MCM5: variants seen among roughly 807,000 people sequenced by gnomAD.
MCM5 encodes minichromosome maintenance complex component 5.
A neutral mutation model predicts 79.9 loss-of-function variants in MCM5; 46 were observed. That is an observed-to-expected ratio of 0.58 (90% confidence interval 0.45 to 0.74). MCM5 has a LOEUF of 0.74. Among genes scored for constraint, MCM5 ranks in the 30% least tolerant of loss-of-function variants. The pLI, the probability that MCM5 is intolerant of heterozygous loss-of-function variation, is 0.00. For missense variants in MCM5, 883 were observed against 1,017.0 expected (o/e 0.87, Z 1.79); for synonymous variants, 404 against 390.5 (o/e 1.03, Z -0.41).
intron 9 of MCM5, among the ~76,000 whole-genome samples, chr22:35,414,489 T>G (rs915079226): frequency 1.3e-5 from 2 of 151,990 alleles, no homozygotes; most frequent in East Asian, 3.9e-4. Context: ...AGGCGTGATA[T>G]GCACCTGTGG....
the MCM5 span, among the ~76,000 whole-genome samples, chr22:35,448,578 T>C: frequency 6.6e-6 from 1 of 152,208 alleles, no homozygotes; most frequent in Non-Finnish European, 1.5e-5. Context: ...CAATGGGGAA[T>C]GAGACAGACA....
At chr22:35,451,270 G>C in the MCM5 span, among the ~76,000 whole-genome samples, 1 of 85,912 alleles carries the variant, frequency 1.2e-5, no homozygotes, top group Admixed American at 1.1e-4. Flanking sequence ...CAGGGTTTTC[G>C]ATGAAGAATG....
At chr22:35,422,428 G>A (rs1377953207) in intron 15 of MCM5, 1 of 152,562 alleles carries the variant, frequency 6.6e-6, no homozygotes, top group Non-Finnish European at 1.5e-5. Context: ...TTCCCCAGGA[G>A]GGAGCAGGTT....
downstream of MCM5, among the ~76,000 whole-genome samples, chr22:35,430,331 G>A (rs1932803932): frequency 6.6e-6 from 1 of 152,216 alleles, no homozygotes; most frequent in Non-Finnish European, 1.5e-5. Context: ...TATAGTGAGA[G>A]TATAGGAAGA....
chr22:35,436,894 G>GCCT, the MCM5 span, among the ~76,000 whole-genome samples: 73,134 of 151,970 alleles, frequency 0.48, 20,131 homozygotes, highest in Non-Finnish European at 0.63. Context: ...TTGCCAGGGG[G>GCCT]AGAGTCAGTT....
chr22:35,421,195 G>A lies in MCM5; in HGVS notation c.1833-123G>A, dbSNP rs370853369. On this transcript the variant is annotated intron_variant, in intron 14 of 16. Coordinates refer to ENST00000216122, the MANE Select transcript of MCM5 (RefSeq NM_006739.4). ...GATCAAAAGGGAGATGGATTATGGG[G>A]ACACCTAGCAGTCTCCACCACAGTC... 358 of 882,620 alleles carry A rather than the reference G, an allele frequency of 4.1e-4. 2 individuals are homozygous for A. In the African/African-American group the frequency reaches 5.4e-3, roughly 13 times the overall value. The allele number at this position is 882,620 out of a possible 1,614,324, so 54.7% of individuals were successfully genotyped here. A position where few individuals can be genotyped will look rare whatever the true frequency, so the allele number is the denominator to read the frequency against.
chr22:35,408,970 T>G (rs1601755162), intron 6 of MCM5, among the ~76,000 whole-genome samples: 2 of 12,322 alleles, frequency 1.6e-4, no homozygotes, highest in African/African-American at 5.0e-3. Flanking sequence ...CCAGGCTTTC[T>G]TTTTTTTTTT....
At chr22:35,448,969 A>G in the MCM5 span, among the ~76,000 whole-genome samples, 3 of 152,120 alleles carry the variant, frequency 2.0e-5, no homozygotes, top group South Asian at 4.1e-4. Flanking sequence ...CCCACATTCC[A>G]TTGGCCAAAG....
chr22:35,442,084 G>A, the MCM5 span, among the ~76,000 whole-genome samples: 13,323 of 151,784 alleles, frequency 0.088, 2,002 homozygotes, highest in African/African-American at 0.31. Context: ...GGAAACTCCC[G>A]TGGCTCCCCA....
downstream of MCM5, among the ~76,000 whole-genome samples, chr22:35,429,375 A>G (rs925529739): frequency 6.6e-6 from 1 of 152,158 alleles, no homozygotes; most frequent in Admixed American, 6.5e-5. Context: ...AAATGACTCA[A>G]TGTCTCAGAG....
chr22:35,442,252 C>G, the MCM5 span, among the ~76,000 whole-genome samples: 3 of 151,938 alleles, frequency 2.0e-5, no homozygotes, highest in African/African-American at 7.3e-5. Context: ...CACTCACTTG[C>G]TGCCTGCCTG....
rs200196982 is a variant in MCM5 at position 35,424,159 on chromosome 22, C to T, written c.2109C>T (p.Tyr703=). Residue 703 remains tyrosine, a synonymous_variant, in exon 17 of 17, where the codon TAC becomes TAT. Coordinates refer to ENST00000216122, the MANE Select transcript of MCM5 (RefSeq NM_006739.4). ...SIIKDFTKQK[Y]PEHAIHKVLQ... ...CCAGCCATGTGCTCCCACAGAAATA[C>T]CCGGAGCACGCCATCCACAAGGTGC... 4.9e-5 allele frequency: 76 copies of T among 1,549,548 alleles called. No homozygotes were observed. The highest frequency in any genetic ancestry group is 5.2e-5 in the Non-Finnish European group (60 of 1,145,716).
chr22:35,441,408 T>C, the MCM5 span, among the ~76,000 whole-genome samples: 2 of 152,220 alleles, frequency 1.3e-5, no homozygotes, highest in Admixed American at 6.5e-5. Context: ...AGCAGATGCT[T>C]GCAGGCTCTC....
rs1569061878 is a variant in MCM5 at position 35,400,412 on chromosome 22, CCGTT to C, written c.-8-18_-8-15del. 6.2e-7 allele frequency: 1 copy of C among 1,613,856 alleles called. No individual in the cohort carries two copies. The highest frequency in any genetic ancestry group is 1.7e-5 in the Admixed American group (1 of 60,032). ...AGGCGCTGCCCCCAGCCTGTTCTGG[CCGTT>C]TGTTCCCACCCCAGGCGCAGTCATG... On this transcript the variant is annotated splice_polypyrimidine_tract_variant and intron_variant, in intron 1 of 16. Coordinates refer to ENST00000216122, the MANE Select transcript of MCM5 (RefSeq NM_006739.4).
chr22:35,410,860 G>A lies in MCM5; in HGVS notation c.869G>A (p.Arg290Gln), dbSNP rs779755915. The A allele has an allele frequency of 6.8e-6, 11 of 1,613,224 alleles. No individual in the cohort carries two copies. The highest frequency in any genetic ancestry group is 5.0e-5 in the Admixed American group (3 of 59,976). ...CGTGACAGGGTGGGCGTGGGCATCCGAAGCTCCTACATCCGTGTCCTGGGC... is the reference window on the plus strand; with the variant it reads ...CGTGACAGGGTGGGCGTGGGCATCCAAAGCTCCTACATCCGTGTCCTGGGC... Reference protein sequence around the residue: ...RGRDRVGVGIRSSYIRVLGIQ... With the variant: ...RGRDRVGVGIQSSYIRVLGIQ... Residue 290 changes from arginine to glutamine, a missense_variant, in exon 7 of 17, where the codon CGA becomes CAA. Arg to Gln is a conservative substitution (Grantham distance 43). Coordinates refer to ENST00000216122, the MANE Select transcript of MCM5 (RefSeq NM_006739.4).
At chr22:35,447,276 G>A in the MCM5 span, among the ~76,000 whole-genome samples, 2 of 152,222 alleles carry the variant, frequency 1.3e-5, no homozygotes, top group Admixed American at 6.5e-5. Flanking sequence ...CTTCCCCGAC[G>A]GGTTTGGGGG....
rs575547416 is a variant in MCM5 at position 35,414,071 on chromosome 22, T to G, written c.1203+85T>G. ...GGCCTCTGGGTCCTCAGGACACCTGTGGTGGGCTGGCTCACCCGGAATCTC... is the reference window on the plus strand; with the variant it reads ...GGCCTCTGGGTCCTCAGGACACCTGGGGTGGGCTGGCTCACCCGGAATCTC... On this transcript the variant is annotated intron_variant, in intron 9 of 16. Coordinates refer to ENST00000216122, the MANE Select transcript of MCM5 (RefSeq NM_006739.4). 2.3e-4 allele frequency: 188 copies of G among 819,894 alleles called. 1 individual carries two copies. The South Asian group carries it at 2.4e-3, about 10-fold the overall frequency. The allele number at this position is 819,894 out of a possible 1,614,324, so 50.8% of individuals were successfully genotyped here.
chr22:35,428,682 T>G (rs1246841798), downstream of MCM5, among the ~76,000 whole-genome samples: 2 of 152,198 alleles, frequency 1.3e-5, no homozygotes, highest in East Asian at 3.8e-4. Flanking sequence ...CGTGGTCAGG[T>G]AGAGGCAACC....
At chr22:35,454,401 C>T in the MCM5 span, among the ~76,000 whole-genome samples, 11 of 152,280 alleles carry the variant, frequency 7.2e-5, no homozygotes, top group Non-Finnish European at 1.3e-4. Context: ...TTCTCCCCTC[C>T]CCTCTCTCTT....
Sources: allele counts gnomAD v4.1 joint callset (sites outside exome capture counted in the v4.1 genomes callset), GRCh38; gene constraint gnomAD v4.1.1; transcripts MANE v1.5; gene names NCBI Gene and HGNC (gene_info 2026-07-23, HGNC 2026-07-21).